Variants in MCM3AP observed in about 807,000 individuals in gnomAD.
MCM3AP encodes the protein minichromosome maintenance complex component 3 associated protein.
MCM3AP carries 126 observed loss-of-function variants against 184.1 expected under a neutral mutation model. That is an observed-to-expected ratio of 0.68 (90% CI 0.59 to 0.79). The LOEUF (loss-of-function observed/expected upper bound fraction) is 0.79. Ranked by LOEUF, MCM3AP falls within the 30% of genes least tolerant of loss-of-function variation. The pLI is 0.00. For missense variants in MCM3AP, 2,496 were observed against 2,479.2 expected, an observed-to-expected ratio of 1.01 and a Z score of -0.14; for synonymous variants, 1,002 against 979.3, an observed-to-expected ratio of 1.02 and a Z score of -0.43.
At chr21:46,237,295 G>A (rs142728338) in intron 26 of MCM3AP, among the ~76,000 whole-genome samples, 1 of 151,926 alleles carries the variant, frequency 6.6e-6, no homozygotes, top group Non-Finnish European at 1.5e-5. Context: ...TAGAGATGGG[G>A]TTTCACCATA....
intron 2 of MCM3AP, among the ~76,000 whole-genome samples, chr21:46,282,948 C>T (rs966222467): frequency 3.3e-5 from 5 of 151,496 alleles, no homozygotes; most frequent in Non-Finnish European, 7.4e-5. Flanking sequence ...TTTTTTGAGA[C>T]GGAGTCTGGC....
upstream of MCM3AP, chr21:46,286,199 A>T (rs2081423579): frequency 6.6e-6 from 1 of 152,154 alleles, no homozygotes; most frequent in South Asian, 2.1e-4. Context: ...GGCCCCTCGG[A>T]AAGACTTGAG....
intron 26 of MCM3AP, among the ~76,000 whole-genome samples, chr21:46,238,534 T>C (rs17176974): frequency 0.074 from 8,716 of 118,290 alleles, 2,600 homozygotes; most frequent in Non-Finnish European, 0.1. Context: ...ATGGTGAAAC[T>C]GCGTCTCTAC....
At chr21:46,280,330 G>A (rs962722883) in intron 3 of MCM3AP, among the ~76,000 whole-genome samples, 167 bp downstream of exon 3, 17 of 152,188 alleles carry the variant, frequency 1.1e-4, no homozygotes, top group African/African-American at 1.4e-4. Flanking sequence ...AAGGGCTCAC[G>A]CTCAAAGGGT....
chr21:46,263,784 A>T (rs2081072337), intron 13 of MCM3AP, among the ~76,000 whole-genome samples: 1 of 66,596 alleles, frequency 1.5e-5, no homozygotes, highest in Non-Finnish European at 3.6e-5. Flanking sequence ...CCATCTCAAA[A>T]AAAAAAAAAA....
rs1569081489 is a variant in MCM3AP, at chr21:46,279,998, A to G, written c.1662T>C (p.Asn554=). The change falls in exon 4 of 28, where the codon AAT becomes AAC. Residue 554 remains asparagine (N), a synonymous_variant. Transcript: ENST00000291688. ...AGRTGASSLL[N]KSSPVKKPSL... is the part of the protein sequence containing the mutation. ...TTAGGAGGGACCGATCCCACCTTTTATTCAGGAGGCTGCTAGCACCAGTCC... is the reference window on the plus strand; with the variant it reads ...TTAGGAGGGACCGATCCCACCTTTTGTTCAGGAGGCTGCTAGCACCAGTCC... 6.2e-7 allele frequency: 1 copy of G among 1,611,110 alleles called. No individual in the cohort carries two copies. The highest frequency in any genetic ancestry group is 1.7e-5 in the Admixed American group (1 of 58,782).
intron 15 of MCM3AP, 52 bp from the exon 16 acceptor site, chr21:46,259,143 ACT>A (rs768014993): frequency 1.3e-6 from 2 of 1,548,206 alleles, no homozygotes; most frequent in South Asian, 2.4e-5. Flanking sequence ...GCCCACAGAC[ACT>A]GAGGGCTTGC....
At chr21:46,262,832 TAGC>T in intron 13 of MCM3AP, among the ~76,000 whole-genome samples, 1 of 147,190 alleles carries the variant, frequency 6.8e-6, no homozygotes, top group Non-Finnish European at 1.5e-5. Context: ...CCGGGCGAGG[TAGC>T]GGGCACCTGT....
chr21:46,270,889 T>C (rs779810219), intron 8 of MCM3AP, among the ~76,000 whole-genome samples: 9 of 152,218 alleles, frequency 5.9e-5, no homozygotes, highest in Non-Finnish European at 1.0e-4. Context: ...GTTTACTAAC[T>C]ACCACGCTTG....
At chr21:46,253,160 T>C (rs1052684950) in intron 19 of MCM3AP, 5 of 152,200 alleles carry the variant, frequency 3.3e-5, no homozygotes, top group East Asian at 1.9e-4. Flanking sequence ...ACAGAGACTG[T>C]AGTTGCTTTA....
chr21:46,281,673 AT>A (rs1409649811), intron 2 of MCM3AP, among the ~76,000 whole-genome samples: 11 of 152,106 alleles, frequency 7.2e-5, no homozygotes, highest in Admixed American at 6.6e-4. Context: ...TAAATAAATA[AT>A]AAAATAACAA....
At position 46,251,563 on chromosome 21, in the gene MCM3AP, C is replaced by T; in HGVS notation, c.4256G>A (p.Gly1419Glu). The change falls in exon 20 of 28, where the codon GGG becomes GAG. Residue 1419 changes from glycine (G) to glutamate (E), a missense_variant. Physicochemically the swap from Gly to Glu is moderately conservative, Grantham distance 98. This residue lies in a region of MCM3AP where 1,323 missense variants were observed against 1,273.4 expected (regional missense o/e 1.04). Transcript: ENST00000291688. ...CACGTTAACAGAAATCATCTGATCCCCTTTGCTGCTAAGTGAGTTGAAAAG... is the reference window on the plus strand; with the variant it reads ...CACGTTAACAGAAATCATCTGATCCTCTTTGCTGCTAAGTGAGTTGAAAAG... ...LSLFNSLSSK[G>E]DQMISVNVCI... 6.2e-7 allele frequency: 1 copy of T among 1,612,536 alleles called. No homozygotes were observed. Among genetic ancestry groups the T allele is most frequent in the Non-Finnish European group, 8.5e-7 (1 of 1,178,656 alleles).
chr21:46,279,859 C>T (rs917341236), intron 4 of MCM3AP, 134 bp downstream of exon 4: 1 of 839,152 alleles, frequency 1.2e-6, no homozygotes, highest in Non-Finnish European at 1.7e-6. Flanking sequence ...GCCCCTCCAC[C>T]CCCAACCATC....
Position 46,279,979 on chromosome 21 carries a change from G to T in MCM3AP, c.1667+14C>A. 1.9e-6 allele frequency: 3 copies of T among 1,606,186 alleles called. No individual in the cohort carries two copies. Among genetic ancestry groups the T allele is most frequent in the Non-Finnish European group, 2.5e-6 (3 of 1,177,262 alleles). On this transcript the variant is annotated intron_variant, in intron 4 of 27. Coordinates refer to ENST00000291688, the MANE Select transcript of MCM3AP (RefSeq NM_003906.5). Reference sequence around the variant, plus strand: ...TCCTTCCGGAATAAGGTCATTAGGAGGGACCGATCCCACCTTTTATTCAGG... The same window carrying T: ...TCCTTCCGGAATAAGGTCATTAGGATGGACCGATCCCACCTTTTATTCAGG...
rs368739095 is a variant in MCM3AP, at chr21:46,246,792, G to T, written c.4385C>A (p.Pro1462His). The T allele has an allele frequency of 1.1e-5, 17 of 1,614,084 alleles. No homozygotes were observed. Among genetic ancestry groups the T allele is most frequent in the African/African-American group, 9.3e-5 (7 of 74,916 alleles). The change falls in exon 21 of 28, where the codon CCC becomes CAC. Residue 1462 changes from proline to histidine, a missense_variant. Around this residue, in one of 5 missense-constraint regions of MCM3AP, gnomAD observed 1,323 missense variants for 1,273.4 expected, o/e 1.04. Transcript: ENST00000291688. ...GASGLMLLLP[P>H]KMKSEDMAEE... ...TGCCATGTCCTCACTCTTCATTTTGGGGGGAAGCAGCAGCATGAGCCCACT... is the reference window on the plus strand; with the variant it reads ...TGCCATGTCCTCACTCTTCATTTTGTGGGGAAGCAGCAGCATGAGCCCACT...
chr21:46,264,342 C>G (rs531025689), intron 12 of MCM3AP, 125 bp from the exon 13 acceptor site: 211 of 621,298 alleles, frequency 3.4e-4, no homozygotes, highest in African/African-American at 3.4e-3. Context: ...GACACGGGGT[C>G]GGCTAGGCTG....
intron 2 of MCM3AP, among the ~76,000 whole-genome samples, chr21:46,283,210 C>CCA (rs2081355837): frequency 6.6e-6 from 1 of 152,222 alleles, no homozygotes; most frequent in African/African-American, 2.4e-5. Flanking sequence ...CAAGCGTAAG[C>CCA]CACCACGCCC....
At chr21:46,244,004 C>T (rs895573877) in intron 23 of MCM3AP, among the ~76,000 whole-genome samples, 13 of 152,172 alleles carry the variant, frequency 8.5e-5, no homozygotes, top group African/African-American at 2.9e-4. Context: ...TAACAAGCAC[C>T]CAGATGAGTC....
Position 46,273,584 on chromosome 21 carries a change from AC to A in MCM3AP, c.1999del (p.Val667TrpfsTer7), listed in dbSNP as rs1210302689. 9 of 1,613,088 alleles carry A rather than the reference AC, an allele frequency of 5.6e-6. No homozygotes were observed. The highest frequency in any genetic ancestry group is 7.6e-6 in the Non-Finnish European group (9 of 1,179,536). ...CTCTTTCACAGCTGCTGCGTGGTCCACCTAGAGACATGAAGCCGAGACAGGA... is the reference window on the plus strand; with the variant it reads ...CTCTTTCACAGCTGCTGCGTGGTCCACTAGAGACATGAAGCCGAGACAGGA... ...VFEVVPGTDQ[V>X]DHAAAVKEYS... is the part of the protein sequence containing the mutation. On this transcript the variant is annotated frameshift_variant and splice_region_variant, in exon 7 of 28. Transcript: ENST00000291688. LOFTEE classifies it high-confidence loss of function.
Sources: gnomAD v4.1 joint callset for allele counts (sites outside exome capture counted in the v4.1 genomes callset) on GRCh38, gnomAD v4.1.1 for gene constraint, gnomAD v4.1.1 regional missense constraint, MANE v1.5 for transcripts, NCBI Gene and HGNC (gene_info 2026-07-23, HGNC 2026-07-21) for gene names.